The following WDR47 variants were observed in gnomAD, a reference collection of about 807,000 sequenced individuals.
WDR47 encodes WD repeat-containing protein 47.
WDR47 carries 32 observed loss-of-function variants against 97.2 expected under a neutral mutation model. The observed-to-expected ratio is 0.33, with a 90% CI of 0.25 to 0.44. The LOEUF is 0.44. Ranked by LOEUF, WDR47 falls within the 20% of genes least tolerant of loss-of-function variation. The pLI is 1.00. For missense variants in WDR47, 782 were observed against 1,102.3 expected (o/e 0.71, Z 4.11); for synonymous variants, 375 against 373.5 (o/e 1.00, Z -0.05).
chr1:109,014,361 G>C (rs1661260544), intron 3 of WDR47, among the ~76,000 whole-genome samples: 1 of 151,714 alleles, frequency 6.6e-6, no homozygotes, highest in Admixed American at 6.6e-5. Context: ...TAAAAAATGG[G>C]GCTGAAAGGG....
At chr1:109,024,111 T>G (rs1327863595) in intron 1 of WDR47, among the ~76,000 whole-genome samples, 1 of 152,198 alleles carries the variant, frequency 6.6e-6, no homozygotes, top group Non-Finnish European at 1.5e-5. Context: ...ACCTAAATGA[T>G]GACCTGGTCA....
chr1:109,018,767 T>C (rs923379683), intron 2 of WDR47, among the ~76,000 whole-genome samples: 1 of 151,790 alleles, frequency 6.6e-6, no homozygotes, highest in Non-Finnish European at 1.5e-5. Flanking sequence ...TGAGCTGAGA[T>C]TGTGCCACTG....
intron 1 of WDR47, among the ~76,000 whole-genome samples, chr1:109,032,681 G>A (rs1018060188): frequency 2.0e-5 from 3 of 151,554 alleles, no homozygotes; most frequent in African/African-American, 7.3e-5. Flanking sequence ...CGGATCACTT[G>A]AGGTCAGGAG....
chr1:108,982,551 A>G (rs1304910809), intron 12 of WDR47, 58 bp downstream of exon 12: 1 of 1,516,536 alleles, frequency 6.6e-7, no homozygotes. Flanking sequence ...TGCAGAGAGG[A>G]AAAAAAAGCA....
At chr1:108,993,113 A>G (rs1183172507) in intron 8 of WDR47, among the ~76,000 whole-genome samples, 5 of 152,108 alleles carry the variant, frequency 3.3e-5, no homozygotes, top group Non-Finnish European at 7.4e-5. Context: ...AGAATGAGGA[A>G]TCAACCAGCC....
chr1:108,987,007 T>C, intron 9 of WDR47: 1 of 216,020 alleles, frequency 4.6e-6, no homozygotes. Flanking sequence ...ATTAAACCCC[T>C]ACAGCTACCA....
At chr1:109,013,789 T>A (rs111918341) in intron 4 of WDR47, 52 bp downstream of exon 4, 2 of 1,584,558 alleles carry the variant, frequency 1.3e-6, no homozygotes, top group Non-Finnish European at 1.7e-6. Flanking sequence ...ACTAAAATAC[T>A]TATGACTGAA....
At chr1:109,012,569 T>C (rs1422145398) in intron 4 of WDR47, among the ~76,000 whole-genome samples, 5 of 4,434 alleles carry the variant, frequency 1.1e-3, no homozygotes, top group African/African-American at 2.7e-3. Context: ...TGAGACTCCA[T>C]CTCAAAAAAA....
intron 8 of WDR47, 49 bp downstream of exon 8, chr1:108,995,531 C>T (rs1330800777): frequency 6.3e-7 from 1 of 1,599,110 alleles, no homozygotes; most frequent in Admixed American, 1.7e-5. Context: ...ACCTTCTAAC[C>T]ATTAGTAGTA....
At chr1:108,996,613 T>G (rs922884054) in intron 7 of WDR47, among the ~76,000 whole-genome samples, 1 of 152,160 alleles carries the variant, frequency 6.6e-6, no homozygotes, top group Non-Finnish European at 1.5e-5. Flanking sequence ...TCCCTAATAC[T>G]CCACATGTAC....
chr1:108,971,071 T>C lies in WDR47; in HGVS notation c.*359A>G. The C allele has an allele frequency of 5.7e-6, 1 of 175,212 alleles. No homozygotes were observed. Among genetic ancestry groups the C allele is most frequent in the African/African-American group, 2.3e-5 (1 of 42,574 alleles). 10.9% of individuals were successfully genotyped at this position (175,212 alleles called of 1,614,324 possible). On this transcript the variant is annotated 3_prime_UTR_variant, in exon 15 of 15. Transcript: ENST00000369962. Reference sequence around the variant, plus strand: ...AATATAGTTGAAGTATAATTCCATTTCAATGTGCATATAAAACTGTTATTT... The same window carrying C: ...AATATAGTTGAAGTATAATTCCATTCCAATGTGCATATAAAACTGTTATTT...
At chr1:109,010,475 AT>A (rs1164931686) in intron 5 of WDR47, among the ~76,000 whole-genome samples, 2 of 151,980 alleles carry the variant, frequency 1.3e-5, no homozygotes, top group African/African-American at 4.8e-5. Context: ...AACCTGGGAG[AT>A]TGTGCCACTG....
At chr1:109,038,086 A>G (rs902531563) in intron 1 of WDR47, among the ~76,000 whole-genome samples, 7 of 151,598 alleles carry the variant, frequency 4.6e-5, no homozygotes, top group African/African-American at 1.7e-4. Flanking sequence ...CAATCCTCCC[A>G]CCTCATCCTC....
chr1:109,018,466 A>G (rs1361220560), intron 2 of WDR47, among the ~76,000 whole-genome samples: 1 of 151,218 alleles, frequency 6.6e-6, no homozygotes, highest in African/African-American at 2.4e-5. Context: ...ACTAAGCTTT[A>G]AAGTTCCTAT....
chr1:109,030,444 A>G (rs966036605), intron 1 of WDR47: 6 of 322,392 alleles, frequency 1.9e-5, no homozygotes, highest in African/African-American at 1.1e-4. Flanking sequence ...TTAAACACAC[A>G]TTATGAAGGA....
At chr1:109,003,743 G>A (rs1660378135) in intron 6 of WDR47, among the ~76,000 whole-genome samples, 1 of 152,070 alleles carries the variant, frequency 6.6e-6, no homozygotes, top group Non-Finnish European at 1.5e-5. Flanking sequence ...GAGCTCAGGT[G>A]ATCCACCTGT....
intron 1 of WDR47, among the ~76,000 whole-genome samples, chr1:109,033,020 G>A (rs1215179681): frequency 1.3e-5 from 2 of 152,084 alleles, no homozygotes; most frequent in Non-Finnish European, 2.9e-5. Context: ...ATGGGGCTGG[G>A]CGCAGTGGCT....
chr1:109,041,039 A>G (rs1663318273), intron 1 of WDR47, among the ~76,000 whole-genome samples: 1 of 149,654 alleles, frequency 6.7e-6, no homozygotes, highest in Non-Finnish European at 1.5e-5. Context: ...CTCAGATACC[A>G]TGCACGGTTA....
At chr1:108,997,163 C>T (rs1409226404) in intron 7 of WDR47, among the ~76,000 whole-genome samples, 4 of 151,100 alleles carry the variant, frequency 2.6e-5, no homozygotes, top group South Asian at 2.1e-4. Context: ...CGATGGCTCA[C>T]GCCTATAATC....
Sources: gnomAD v4.1 joint callset for allele counts (sites outside exome capture counted in the v4.1 genomes callset) on GRCh38, gnomAD v4.1.1 for gene constraint, MANE v1.5 for transcripts, NCBI Gene and HGNC (gene_info 2026-07-23, HGNC 2026-07-21) for gene names.